NAV2: variants seen among roughly 807,000 people sequenced by gnomAD.
NAV2 encodes the protein helicase, APC down-regulated 1.
NAV2 carries 54 observed loss-of-function variants against 223.2 expected under a neutral mutation model. The observed-to-expected ratio is 0.24, with a 90% confidence interval of 0.19 to 0.30. NAV2 has a LOEUF of 0.30. NAV2 is among the 10% of genes least tolerant of loss of function. The probability of loss-of-function intolerance (pLI) is 1.00; values close to 1 mark genes in which losing one functional copy is unlikely to be tolerated. For synonymous variants in NAV2, 1,279 were observed against 1,239.3 expected (o/e 1.03, Z -0.67); for missense variants, 2,806 against 3,147.5 (o/e 0.89, Z 2.60).
At chr11:19,771,710 C>T (rs773033382) in intron 1 of NAV2, among the ~76,000 whole-genome samples, 1 of 151,956 alleles carries the variant, frequency 6.6e-6, no homozygotes. Flanking sequence ...ATGGGGAGAT[C>T]CCTTTACATA....
At chr11:19,512,236 G>T (rs532280806) in intron 1 of NAV2, among the ~76,000 whole-genome samples, 78 of 152,346 alleles carry the variant, frequency 5.1e-4, no homozygotes, top group African/African-American at 1.8e-3. Flanking sequence ...CTGTAGGAAG[G>T]GTGGCAGTTT....
rs2049970285 is a variant in NAV2, at chr11:19,712,867, C to A, written c.-829C>A. Among the ~76,000 whole-genome samples, 1 of 151,166 alleles carries A rather than the reference C, an allele frequency of 6.6e-6. No individual in the cohort carries two copies. On this transcript the variant is annotated 5_prime_UTR_variant, in exon 1 of 38. Coordinates refer to ENST00000349880, the MANE Select transcript of NAV2 (RefSeq NM_145117.5). ...CCCCTGCGCTGAGCCCCGCAGCCAG[C>A]GCAGCCTTCCCGGGAAGCGCGGCGG... is the stretch of plus-strand genomic sequence containing the variant.
In NAV2 at chr11:19,378,154, C is replaced by G. The variant is rs557114970; in HGVS notation, c.75+27127C>G. Among the ~76,000 whole-genome samples the G allele has an allele frequency of 2.0e-5, 3 of 152,332 alleles. No individual in the cohort carries two copies. The East Asian group carries it at 5.8e-4, about 29-fold the overall frequency. On this transcript the variant is annotated intron_variant, in intron 1 of 37. Coordinates refer to the NAV2 transcript ENST00000360655. ...GCAGTGAAGTGATGCGTACCGCAAA[C>G]ACATTTCTCCCATCCGCTTCTGCTG... is the stretch of plus-strand genomic sequence containing the variant.
At chr11:20,038,896 C>G (rs761524685) in intron 12 of NAV2, among the ~76,000 whole-genome samples, 1 of 152,254 alleles carries the variant, frequency 6.6e-6, no homozygotes, top group Admixed American at 6.5e-5. Flanking sequence ...GAAACAGCCT[C>G]GTATAGCTGA....
Position 20,080,171 on chromosome 11 carries a change from A to G in NAV2, c.5287A>G (p.Ile1763Val). Residue 1763 changes from isoleucine to valine, a missense_variant, in exon 25 of 38, where the codon ATA (isoleucine) becomes GTA (valine). Transcript: ENST00000349880. ...ATSHSSVGSN[I>V]ESDSKKKKRK... ...CAGCCACTCCAGCGTGGGCAGCAAC[A>G]TAGAGAGTGACTCAAAGAAGAAGAA... The G allele has an allele frequency of 1.9e-6, 3 of 1,614,056 alleles. No homozygotes were observed. Among genetic ancestry groups the G allele is most frequent in the East Asian group, 2.2e-5 (1 of 44,836 alleles).
intron 11 of NAV2, among the ~76,000 whole-genome samples, chr11:20,016,213 C>G (rs2053990893): frequency 6.6e-6 from 1 of 152,174 alleles, no homozygotes; most frequent in Admixed American, 6.5e-5. Context: ...GATTGGCACC[C>G]TTCCAGAAAA....
chr11:19,864,725 A>G (rs2061987121), intron 3 of NAV2, among the ~76,000 whole-genome samples: 1 of 152,222 alleles, frequency 6.6e-6, no homozygotes, highest in African/African-American at 2.4e-5. Flanking sequence ...GATTGGCAGA[A>G]AGGCTTAATT....
At chr11:19,921,166 T>C (rs1023513702) in intron 6 of NAV2, among the ~76,000 whole-genome samples, 19 of 152,286 alleles carry the variant, frequency 1.2e-4, no homozygotes, top group African/African-American at 4.6e-4. Flanking sequence ...GCCCTGAAAT[T>C]GTTTGATCTA....
intron 1 of NAV2, among the ~76,000 whole-genome samples, chr11:19,682,423 C>T (rs370918091): frequency 9.8e-5 from 15 of 152,312 alleles, no homozygotes; most frequent in East Asian, 7.7e-4. Flanking sequence ...ATGAGCACTG[C>T]GGTCAATGTG....
At chr11:20,107,932 G>T in intron 36 of NAV2, 150 bp downstream of exon 36, 1 of 651,364 alleles carries the variant, frequency 1.5e-6, no homozygotes, top group Admixed American at 2.6e-5. Flanking sequence ...CCAGTGTAGG[G>T]ACACACCTGG....
chr11:20,044,331 T>C (rs1382344859), intron 13 of NAV2, 59 bp downstream of exon 13: 8 of 1,460,508 alleles, frequency 5.5e-6, no homozygotes, highest in Non-Finnish European at 7.5e-6. Context: ...AAAGCCATAG[T>C]TAACTCTAGC....
At chr11:19,581,424 G>T (rs1429227058) in intron 1 of NAV2, among the ~76,000 whole-genome samples, 2 of 152,024 alleles carry the variant, frequency 1.3e-5, no homozygotes, top group Non-Finnish European at 2.9e-5. Context: ...CAACGTGCAG[G>T]TTTGTTACAT....
intron 36 of NAV2, chr11:20,114,266 T>C: frequency 2.7e-6 from 1 of 375,942 alleles, no homozygotes; most frequent in East Asian, 5.3e-5. Flanking sequence ...TCATTGTTTT[T>C]CCCCAAAAGC....
chr11:19,851,899 GAC>G (rs60220406), intron 3 of NAV2, among the ~76,000 whole-genome samples: 24,068 of 152,176 alleles, frequency 0.16, 2,310 homozygotes, highest in South Asian at 0.37. Context: ...ATTCTTATAA[GAC>G]AGAGGCAGGA....
In NAV2 at chr11:19,932,672, G is replaced by A. The variant is rs184900512; in HGVS notation, c.932-504G>A. ...AGGAAAAACTTACATGCTTTAATAGGCTTTAACAACTTTTGTGTGTAATTA... is the reference window on the plus strand; with the variant it reads ...AGGAAAAACTTACATGCTTTAATAGACTTTAACAACTTTTGTGTGTAATTA... On this transcript the variant is annotated intron_variant, in intron 6 of 37. Transcript: ENST00000349880. Among the ~76,000 whole-genome samples, 728 of 152,240 alleles carry A rather than the reference G, an allele frequency of 4.8e-3. 6 individuals are homozygous for A. The highest frequency in any genetic ancestry group is 6.8e-3 in the Non-Finnish European group (462 of 68,022).
At chr11:19,926,465 G>A (rs772457639) in intron 6 of NAV2, among the ~76,000 whole-genome samples, 15 of 152,200 alleles carry the variant, frequency 9.9e-5, no homozygotes, top group Admixed American at 3.3e-4. Flanking sequence ...TGACACAGCA[G>A]TGCTGCTGAG....
intron 1 of NAV2, among the ~76,000 whole-genome samples, chr11:19,509,480 T>G (rs1423008920): frequency 6.6e-6 from 1 of 152,182 alleles, no homozygotes; most frequent in East Asian, 1.9e-4. Context: ...TTTACTGCAT[T>G]CCATAGAAAG....
intron 1 of NAV2, among the ~76,000 whole-genome samples, chr11:19,546,431 G>A (rs1033681915): frequency 5.3e-5 from 8 of 152,330 alleles, no homozygotes; most frequent in South Asian, 2.1e-4. Context: ...GAGCTGCTGC[G>A]GGAAGGTAGG....
Position 20,097,759 on chromosome 11 carries a change from T to C in NAV2, c.6181+14T>C. The C allele has an allele frequency of 6.4e-7, 1 of 1,564,380 alleles. No individual in the cohort carries two copies. The highest frequency in any genetic ancestry group is 8.7e-7 in the Non-Finnish European group (1 of 1,155,672). ...TGACTGTGAAAGGTAATTGAGCTTG[T>C]TGCAGAAGTCGGAGCTTTCAGGAAT... is the stretch of plus-strand genomic sequence containing the variant. On this transcript the variant is annotated intron_variant, in intron 31 of 37. Transcript: ENST00000349880.
Sources: allele counts gnomAD v4.1 joint callset (sites outside exome capture counted in the v4.1 genomes callset), GRCh38; gene constraint gnomAD v4.1.1; transcripts MANE v1.5; gene names NCBI Gene and HGNC (gene_info 2026-07-23, HGNC 2026-07-21).